Variants in ATRNL1 observed in about 807,000 individuals in gnomAD.
ATRNL1 encodes the protein attractin like 1.
In ATRNL1, 95 loss-of-function variants were observed where a neutral mutation model predicts 182.7. That is an observed-to-expected ratio of 0.52 (90% confidence interval 0.44 to 0.62). The LOEUF (loss-of-function observed/expected upper bound fraction) is 0.62, where lower values mean the gene tolerates loss of function less well. ATRNL1 is among the 20% of genes least tolerant of loss of function. ATRNL1 has a pLI of 0.00. For synonymous variants in ATRNL1, 576 were observed against 568.3 expected, an observed-to-expected ratio of 1.01 and a Z score of -0.19; for missense variants, 1,471 against 1,679.5, an observed-to-expected ratio of 0.88 and a Z score of 2.17.
At chr10:115,372,524 T>C in intron 19 of ATRNL1, among the ~76,000 whole-genome samples, 1 of 152,204 alleles carries the variant, frequency 6.6e-6, no homozygotes, top group Non-Finnish European at 1.5e-5. Flanking sequence ...TTTAAGTCGT[T>C]AATCCATTTT....
intron 26 of ATRNL1, among the ~76,000 whole-genome samples, chr10:115,708,669 A>G (rs1946972054): frequency 1.3e-5 from 2 of 151,668 alleles, no homozygotes; most frequent in Non-Finnish European, 3.0e-5. Context: ...GTCATTTCCA[A>G]TTAAATGTTT....
intron 27 of ATRNL1, among the ~76,000 whole-genome samples, chr10:115,752,807 T>G (rs1245214733): frequency 6.6e-6 from 1 of 152,114 alleles, no homozygotes; most frequent in Non-Finnish European, 1.5e-5. Flanking sequence ...GTCCAGCCTC[T>G]GATATATTTA....
chr10:115,322,386 A>G (rs144096189), intron 18 of ATRNL1, among the ~76,000 whole-genome samples: 68 of 152,090 alleles, frequency 4.5e-4, no homozygotes, highest in Admixed American at 7.8e-4. Flanking sequence ...ACCATCAGGT[A>G]TCATACCTTT....
intron 26 of ATRNL1, among the ~76,000 whole-genome samples, chr10:115,726,550 T>A (rs1453316119): frequency 2.0e-5 from 3 of 152,210 alleles, no homozygotes; most frequent in Non-Finnish European, 2.9e-5. Flanking sequence ...ACTTGCTAGT[T>A]TATTGGTTTT....
At chr10:115,915,220 A>C (rs1421380118) in intron 28 of ATRNL1, among the ~76,000 whole-genome samples, 1 of 152,088 alleles carries the variant, frequency 6.6e-6, no homozygotes, top group Non-Finnish European at 1.5e-5. Context: ...ACACTGTGAA[A>C]GCCCGTCTCT....
At chr10:115,911,357 GC>G (rs1424098194) in intron 28 of ATRNL1, among the ~76,000 whole-genome samples, 3 of 152,028 alleles carry the variant, frequency 2.0e-5, no homozygotes, top group Non-Finnish European at 4.4e-5. Flanking sequence ...CACTCTTGTT[GC>G]CCAGGCTGGA....
chr10:115,551,620 T>C (rs1290505564), intron 26 of ATRNL1, among the ~76,000 whole-genome samples: 1 of 151,530 alleles, frequency 6.6e-6, no homozygotes, highest in African/African-American at 2.4e-5. Flanking sequence ...GGGTTTATGT[T>C]ATGCTATAGC....
intron 27 of ATRNL1, among the ~76,000 whole-genome samples, chr10:115,844,684 C>T (rs547126731): frequency 1.3e-5 from 2 of 152,092 alleles, no homozygotes; most frequent in East Asian, 1.9e-4. Context: ...CTGCTAATTA[C>T]GTAACTGTCA....
At position 115,827,856 on chromosome 10, in the gene ATRNL1, A is replaced by G. The variant is rs74780616; in HGVS notation, c.3904-20021A>G. On this transcript the variant is annotated intron_variant, in intron 27 of 28. Transcript: ENST00000355044. ...GTGGTCACAATGAAATCATGGCTAA[A>G]GAATGTTTCCGTGGGGCTGTCTCTG... Among the ~76,000 whole-genome samples, 308 of 152,310 alleles carry G rather than the reference A, an allele frequency of 2.0e-3. 1 individual carries two copies. The highest frequency in any genetic ancestry group is 7.1e-3 in the African/African-American group (296 of 41,564).
At position 115,126,559 on chromosome 10, in the gene ATRNL1, C is replaced by T. The variant is rs1480202670; in HGVS notation, c.492-1034C>T. Among the ~76,000 whole-genome samples the T allele has an allele frequency of 2.6e-5, 4 of 152,042 alleles. No individual in the cohort carries two copies. The East Asian group carries it at 7.7e-4, about 29-fold the overall frequency. On this transcript the variant is annotated intron_variant, in intron 3 of 28. Transcript: ENST00000355044. Reference sequence around the variant, plus strand: ...ATCATTTGTTGCTTCACAAACATAACCTAGTAGATGTAATAATAATTACTA... The same window carrying T: ...ATCATTTGTTGCTTCACAAACATAATCTAGTAGATGTAATAATAATTACTA...
chr10:115,632,803 T>C (rs1173700415), intron 26 of ATRNL1, among the ~76,000 whole-genome samples: 1 of 152,136 alleles, frequency 6.6e-6, no homozygotes, highest in Admixed American at 6.6e-5. Context: ...TGAATAATGT[T>C]ATACTAACTT....
At chr10:115,343,612 C>G (rs1189770589) in intron 19 of ATRNL1, among the ~76,000 whole-genome samples, 1 of 152,164 alleles carries the variant, frequency 6.6e-6, no homozygotes, top group Admixed American at 6.5e-5. Context: ...ATCTCTGTTT[C>G]TCCAGGATTG....
chr10:115,174,678 A>G (rs1019778751), intron 8 of ATRNL1, among the ~76,000 whole-genome samples: 1 of 151,970 alleles, frequency 6.6e-6, no homozygotes, highest in Non-Finnish European at 1.5e-5. Context: ...GAAAGTTGCC[A>G]TAGACAATAG....
At position 115,785,090 on chromosome 10, in the gene ATRNL1, G is replaced by T. The variant is rs369336339; in HGVS notation, c.3903+57735G>T. Reference sequence around the variant, plus strand: ...ATCTCATCATCTAAACCAGGTATAGGTAAGACTGTGAGTATGATCTATCCT... The same window carrying T: ...ATCTCATCATCTAAACCAGGTATAGTTAAGACTGTGAGTATGATCTATCCT... On this transcript the variant is annotated intron_variant, in intron 27 of 28. Transcript: ENST00000355044. Among the ~76,000 whole-genome samples, 5 of 152,286 alleles carry T rather than the reference G, an allele frequency of 3.3e-5. No individual in the cohort carries two copies. The South Asian group carries it at 1.0e-3, about 32-fold the overall frequency.
chr10:115,631,429 A>C (rs959566626), intron 26 of ATRNL1, among the ~76,000 whole-genome samples: 3 of 152,092 alleles, frequency 2.0e-5, no homozygotes, highest in African/African-American at 7.2e-5. Context: ...ATGCTAACAA[A>C]GATTTTACAG....
chr10:115,295,553 G>A (rs1554922309), intron 15 of ATRNL1, among the ~76,000 whole-genome samples: 1 of 152,174 alleles, frequency 6.6e-6, no homozygotes, highest in Admixed American at 6.5e-5. Context: ...TGCCTGGAGA[G>A]GTTGCAATGT....
At chr10:115,750,601 T>C (rs1237729844) in intron 27 of ATRNL1, among the ~76,000 whole-genome samples, 1 of 151,942 alleles carries the variant, frequency 6.6e-6, no homozygotes, top group African/African-American at 2.4e-5. Flanking sequence ...AGGAAAAGGC[T>C]AATAAAGGTG....
chr10:115,718,825 T>C (rs926781267), intron 26 of ATRNL1, among the ~76,000 whole-genome samples: 1 of 152,228 alleles, frequency 6.6e-6, no homozygotes, highest in Admixed American at 6.5e-5. Flanking sequence ...CTTCCTCCAA[T>C]AGCAGACTAT....
At chr10:115,644,867 T>C (rs1158719203) in intron 26 of ATRNL1, among the ~76,000 whole-genome samples, 19 of 152,172 alleles carry the variant, frequency 1.2e-4, no homozygotes, top group Admixed American at 7.9e-4. Context: ...TTATACATGC[T>C]TAATTGGGGA....
Sources: gnomAD v4.1 joint callset for allele counts (sites outside exome capture counted in the v4.1 genomes callset) on GRCh38, gnomAD v4.1.1 for gene constraint, MANE v1.5 for transcripts, NCBI Gene and HGNC (gene_info 2026-07-23, HGNC 2026-07-21) for gene names.